CACHD1: variants seen among roughly 807,000 people sequenced by gnomAD.
CACHD1 encodes VWFA and cache domain-containing protein 1.
CACHD1 carries 71 observed loss-of-function variants against 138.7 expected under a neutral mutation model. The observed-to-expected ratio is 0.51, with a 90% CI of 0.42 to 0.62. The LOEUF (loss-of-function observed/expected upper bound fraction) is 0.62. Ranked by LOEUF, CACHD1 falls within the 20% of genes least tolerant of loss-of-function variation. The probability of loss-of-function intolerance (pLI) is 0.00; values close to 1 mark genes in which losing one functional copy is unlikely to be tolerated. For missense variants in CACHD1, 1,389 were observed against 1,625.3 expected, an observed-to-expected ratio of 0.85 and a Z score of 2.50; for synonymous variants, 578 against 591.5, an observed-to-expected ratio of 0.98 and a Z score of 0.33.
intron 4 of CACHD1, among the ~76,000 whole-genome samples, chr1:64,609,324 C>A (rs1049931938): frequency 3.3e-5 from 5 of 152,114 alleles, no homozygotes; most frequent in Non-Finnish European, 7.4e-5. Flanking sequence ...CCTTTTTATG[C>A]CCAATTGCTT....
rs1557534797 is a variant in CACHD1, at chr1:64,641,903, G to A, written c.1090G>A (p.Val364Ile). 6.2e-7 allele frequency: 1 copy of A among 1,606,606 alleles called. No homozygotes were observed. The change falls in exon 8 of 27, where the codon GTC (valine) becomes ATC (isoleucine). Residue 364 changes from valine to isoleucine, a missense_variant. Physicochemically the swap from Val to Ile is conservative, Grantham distance 29. This residue lies in a region of CACHD1 where 1,000 missense variants were observed against 1,114.7 expected (regional missense o/e 0.90). Transcript: ENST00000651257. ...AGAAGATAAAAAAGCGACTCTCCAA[G>A]TCATCAATGAAGAAAATAGCTTTCT... is the stretch of plus-strand genomic sequence containing the variant. ...SEEDKKATLQ[V>I]INEENSFLNN...
intron 2 of CACHD1, among the ~76,000 whole-genome samples, chr1:64,552,745 C>T (rs1294597882): frequency 6.6e-6 from 1 of 152,196 alleles, no homozygotes; most frequent in Non-Finnish European, 1.5e-5. Context: ...TTCCAAAGTG[C>T]TGGGATTACA....
At chr1:64,481,522 G>A (rs1285123118) in intron 1 of CACHD1, among the ~76,000 whole-genome samples, 2 of 152,186 alleles carry the variant, frequency 1.3e-5, no homozygotes, top group Non-Finnish European at 2.9e-5. Context: ...GAGTGCAGCT[G>A]TCCTGTGCAG....
chr1:64,669,839 G>GTTA (rs1258541014), intron 16 of CACHD1, among the ~76,000 whole-genome samples: 1 of 152,162 alleles, frequency 6.6e-6, no homozygotes, highest in Non-Finnish European at 1.5e-5. Context: ...GCAGATGGCA[G>GTTA]TTATACAAGA....
chr1:64,676,058 G>A lies in CACHD1; in HGVS notation c.2975+75G>A, dbSNP rs1570474665. 1.7e-5 allele frequency: 10 copies of A among 573,112 alleles called. 1 individual carries two copies. The East Asian group carries it at 4.6e-4, about 26-fold the overall frequency. The allele number at this position is 573,112 out of a possible 1,614,324, so 35.5% of individuals were successfully genotyped here. A position where few individuals can be genotyped will look rare whatever the true frequency, so the allele number is the denominator to read the frequency against. Reference sequence around the variant, plus strand: ...TAATAATACATATGTAATACTGTGAGTCTCTTATAGATTTGTTTTGAGTTA... The same window carrying A: ...TAATAATACATATGTAATACTGTGAATCTCTTATAGATTTGTTTTGAGTTA... On this transcript the variant is annotated intron_variant, in intron 21 of 26. Transcript: ENST00000651257.
chr1:64,581,957 G>A (rs890726232), intron 2 of CACHD1, among the ~76,000 whole-genome samples, 199 bp from the exon 3 acceptor site: 5 of 152,164 alleles, frequency 3.3e-5, no homozygotes, highest in African/African-American at 1.2e-4. Context: ...TGTTGTCTGA[G>A]TATCCTTCTA....
At chr1:64,559,617 C>T (rs1646823731) in intron 2 of CACHD1, among the ~76,000 whole-genome samples, 1 of 152,024 alleles carries the variant, frequency 6.6e-6, no homozygotes, top group African/African-American at 2.4e-5. Context: ...TCTCTATGAA[C>T]AAACCTTCAC....
intron 3 of CACHD1, among the ~76,000 whole-genome samples, chr1:64,584,160 T>C (rs1647032796): frequency 6.6e-6 from 1 of 152,110 alleles, no homozygotes; most frequent in Admixed American, 6.5e-5. Flanking sequence ...ATTTTTCTCC[T>C]AGGGAAAGAC....
intron 4 of CACHD1, among the ~76,000 whole-genome samples, chr1:64,619,411 C>G (rs1020667356): frequency 1.3e-5 from 2 of 152,170 alleles, no homozygotes; most frequent in African/African-American, 2.4e-5. Context: ...AGCATAGTAA[C>G]TCTAAGAAGT....
At chr1:64,607,673 G>A (rs1199999227) in intron 4 of CACHD1, among the ~76,000 whole-genome samples, 1 of 152,182 alleles carries the variant, frequency 6.6e-6, no homozygotes, top group African/African-American at 2.4e-5. Context: ...AAGAGATACT[G>A]CATCACCAGT....
chr1:64,481,646 G>A (rs1646212199), intron 1 of CACHD1, among the ~76,000 whole-genome samples: 1 of 152,176 alleles, frequency 6.6e-6, no homozygotes, highest in South Asian at 2.1e-4. Context: ...GGAATTATTA[G>A]CAGGAGAAAA....
At chr1:64,503,583 G>A (rs574606490) in intron 1 of CACHD1, among the ~76,000 whole-genome samples, 1 of 152,262 alleles carries the variant, frequency 6.6e-6, no homozygotes, top group South Asian at 2.1e-4. Flanking sequence ...GTAGCATGGT[G>A]GGTAGACCTG....
intron 23 of CACHD1, among the ~76,000 whole-genome samples, chr1:64,678,775 T>C (rs1650077071): frequency 6.6e-6 from 1 of 152,180 alleles, no homozygotes; most frequent in South Asian, 2.1e-4. Context: ...CCAGTGCATC[T>C]GGGACAGCTT....
At chr1:64,644,233 A>C (rs949230472) in intron 8 of CACHD1, among the ~76,000 whole-genome samples, 1 of 152,190 alleles carries the variant, frequency 6.6e-6, no homozygotes, top group Non-Finnish European at 1.5e-5. Flanking sequence ...TCTTTCATTC[A>C]TGAGAGGTAG....
At chr1:64,597,203 T>TTGAA (rs1240322392) in intron 3 of CACHD1, among the ~76,000 whole-genome samples, 6 of 152,166 alleles carry the variant, frequency 3.9e-5, no homozygotes, top group Non-Finnish European at 8.8e-5. Context: ...TGGAACTCAC[T>TTGAA]TGAACACTGT....
intron 1 of CACHD1, among the ~76,000 whole-genome samples, chr1:64,490,407 T>C (rs1189376478): frequency 2.0e-5 from 3 of 152,144 alleles, no homozygotes; most frequent in Non-Finnish European, 1.5e-5. Context: ...ACATACTTCT[T>C]CCTGTTTGAC....
chr1:64,559,769 A>T (rs1646825139), intron 2 of CACHD1, among the ~76,000 whole-genome samples: 1 of 152,166 alleles, frequency 6.6e-6, no homozygotes, highest in African/African-American at 2.4e-5. Context: ...TCAGGAGAGC[A>T]CCATCTGGAC....
intron 2 of CACHD1, among the ~76,000 whole-genome samples, chr1:64,578,138 C>T (rs149242900): frequency 1.3e-5 from 2 of 152,324 alleles, no homozygotes; most frequent in East Asian, 3.9e-4. Flanking sequence ...GCCACCATTG[C>T]AGCTTCTTTT....
At chr1:64,581,961 C>A (rs1261071503) in intron 2 of CACHD1, among the ~76,000 whole-genome samples, 195 bp from the exon 3 acceptor site, 1 of 152,190 alleles carries the variant, frequency 6.6e-6, no homozygotes, top group Non-Finnish European at 1.5e-5. Flanking sequence ...GTCTGAGTAT[C>A]CTTCTATGAC....
Sources: gnomAD v4.1 joint callset for allele counts (sites outside exome capture counted in the v4.1 genomes callset) on GRCh38, gnomAD v4.1.1 for gene constraint, gnomAD v4.1.1 regional missense constraint, MANE v1.5 for transcripts, NCBI Gene and HGNC (gene_info 2026-07-23, HGNC 2026-07-21) for gene names.